Variants in MEF2C observed in about 807,000 individuals in gnomAD.
MEF2C encodes myocyte enhancer factor 2C.
Under a neutral mutation model 50.5 loss-of-function variants are expected in MEF2C, and 6 were observed. That is an observed-to-expected ratio of 0.12 (90% confidence interval 0.07 to 0.23). The LOEUF is 0.23. MEF2C is among the 10% of genes least tolerant of loss of function. The probability of loss-of-function intolerance (pLI) is 1.00; values close to 1 mark genes in which losing one functional copy is unlikely to be tolerated. For missense variants in MEF2C, 276 were observed against 605.0 expected (o/e 0.46, Z 5.70); for synonymous variants, 183 against 228.0 (o/e 0.80, Z 1.78).
chr5:88,730,361 G>C, intron 7 of MEF2C, 127 bp from the exon 8 acceptor site: 2 of 989,580 alleles, frequency 2.0e-6, no homozygotes, highest in South Asian at 2.8e-5. Flanking sequence ...TTAAAACCCA[G>C]ACTCCAAAGA....
intron 1 of MEF2C, among the ~76,000 whole-genome samples, chr5:88,836,580 C>A (rs1815174806): frequency 6.6e-6 from 1 of 152,122 alleles, no homozygotes; most frequent in Admixed American, 6.5e-5. Context: ...ATGTTTCCTC[C>A]ATACAATCCA....
At chr5:88,868,546 AC>A (rs1299146948) in intron 1 of MEF2C, among the ~76,000 whole-genome samples, 1 of 151,976 alleles carries the variant, frequency 6.6e-6, no homozygotes, top group Non-Finnish European at 1.5e-5. Context: ...TCCGTGTGAC[AC>A]CCCCCACCCA....
chr5:88,852,914 C>CA lies in MEF2C; in HGVS notation c.-142-28985dup, dbSNP rs1424404996. ...TGGGGGACAGGGCAAGACTCTGTCT[C>CA]AAAAAAAAAAAAAAAGAATGTAGTT... On this transcript the variant is annotated intron_variant, in intron 1 of 10. Coordinates refer to ENST00000504921, the MANE Select transcript of MEF2C (RefSeq NM_002397.5). Among the ~76,000 whole-genome samples, 1,085 of 118,538 alleles carry CA rather than the reference C, an allele frequency of 9.2e-3. 10 individuals carry two copies. Among genetic ancestry groups the CA allele is most frequent in the African/African-American group, 0.024 (749 of 31,412 alleles). 77.8% of individuals were successfully genotyped at this position (118,538 alleles called of 152,430 possible). A position where few individuals can be genotyped will look rare whatever the true frequency, so the allele number is the denominator to read the frequency against.
chr5:88,723,719 C>G (rs919070365), intron 10 of MEF2C, among the ~76,000 whole-genome samples: 1 of 152,210 alleles, frequency 6.6e-6, no homozygotes, highest in Admixed American at 6.5e-5. Flanking sequence ...CTCCCTGATG[C>G]GTGCGGTTCT....
At chr5:88,746,439 C>T (rs991085295) in intron 6 of MEF2C, 1 of 692,006 alleles carries the variant, frequency 1.4e-6, no homozygotes, top group Non-Finnish European at 1.7e-6. Flanking sequence ...CCCTCCCTCT[C>T]ACTTTTTTTT....
intron 1 of MEF2C, among the ~76,000 whole-genome samples, chr5:88,853,067 G>T (rs1342232611): frequency 6.6e-6 from 1 of 152,070 alleles, no homozygotes. Flanking sequence ...CTGTAAAACT[G>T]AAAAAAATTA....
intron 1 of MEF2C, among the ~76,000 whole-genome samples, chr5:88,868,307 CAA>C (rs749572312): frequency 2.0e-5 from 3 of 152,052 alleles, no homozygotes; most frequent in Non-Finnish European, 2.9e-5. Context: ...AAGCATTTCA[CAA>C]GGCAAAACAC....
intron 1 of MEF2C, among the ~76,000 whole-genome samples, chr5:88,861,278 T>C (rs1367725187): frequency 1.3e-5 from 2 of 152,244 alleles, no homozygotes; most frequent in Non-Finnish European, 2.9e-5. Flanking sequence ...AAAACACTGA[T>C]ACCCAGACCC....
chr5:88,785,460 TAAGA>T (rs1790418898), intron 3 of MEF2C: 1 of 152,138 alleles, frequency 6.6e-6, no homozygotes, highest in Non-Finnish European at 1.5e-5. Flanking sequence ...ATAATAATTT[TAAGA>T]AAGAGACTAA....
chr5:88,839,596 T>A (rs1816577210), intron 1 of MEF2C: 1 of 152,104 alleles, frequency 6.6e-6, no homozygotes, highest in East Asian at 1.9e-4. Context: ...GTCCCTCAGG[T>A]ATGTTTGTGG....
At chr5:88,842,586 A>AATTC (rs201541572) in intron 1 of MEF2C, among the ~76,000 whole-genome samples, 10 of 117,910 alleles carry the variant, frequency 8.5e-5, no homozygotes, top group African/African-American at 3.9e-4. Flanking sequence ...ATTTCCTGAG[A>AATTC]ATTCATTCAA....
chr5:88,901,243 G>C (rs1168987206), intron 1 of MEF2C, among the ~76,000 whole-genome samples: 3 of 150,334 alleles, frequency 2.0e-5, no homozygotes, highest in Non-Finnish European at 4.4e-5. Flanking sequence ...TATCAACAGG[G>C]ATGAGTAATA....
chr5:88,889,410 G>C lies in MEF2C; in HGVS notation c.-239-1812C>G, dbSNP rs1044466333. On this transcript the variant is annotated intron_variant, in intron 1 of 11. Transcript: ENST00000340208. ...CCCTTCCCCCCCCCCTTTTCTCCCG[G>C]CCGACGGAGCTGAAGGGGCGGGGGT... 11 of 152,638 alleles carry C rather than the reference G, an allele frequency of 7.2e-5. No homozygotes were observed. The Admixed American group carries it at 7.2e-4, about 10-fold the overall frequency. The allele number at this position is 152,638 out of a possible 1,614,324, so 9.5% of individuals were successfully genotyped here. A position where few individuals can be genotyped will look rare whatever the true frequency, so the allele number is the denominator to read the frequency against.
At position 88,744,018 on chromosome 5, in the gene MEF2C, A is replaced by T. The variant is rs534548015; in HGVS notation, c.637+5052T>A. ...TCAAAGGAATTCCTAAAGGTTTTTC[A>T]TTTCTTTTTTCTCTTTTTTTGATCT... On this transcript the variant is annotated intron_variant, in intron 6 of 10. Transcript: ENST00000504921. 69 of 968,598 alleles carry T rather than the reference A, an allele frequency of 7.1e-5. No homozygotes were observed. The African/African-American group carries it at 1.2e-3, about 17-fold the overall frequency. 60.0% of individuals were successfully genotyped at this position (968,598 alleles called of 1,614,324 possible).
At chr5:88,885,372 CTCA>C (rs1439671584), upstream of MEF2C, among the ~76,000 whole-genome samples, 5 of 152,230 alleles carry the variant, frequency 3.3e-5, no homozygotes, top group Non-Finnish European at 7.3e-5. Flanking sequence ...CAAGTTCCAG[CTCA>C]TCATTGTGAC....
At chr5:88,891,571 A>G (rs1352291840) in intron 1 of MEF2C, among the ~76,000 whole-genome samples, 2 of 150,950 alleles carry the variant, frequency 1.3e-5, no homozygotes, top group African/African-American at 4.9e-5. Context: ...CCCAGCTAAT[A>G]TTTTCTTTTT....
At chr5:88,743,518 T>C in intron 6 of MEF2C, 1 of 983,080 alleles carries the variant, frequency 1.0e-6, no homozygotes, top group Non-Finnish European at 1.2e-6. Context: ...TCTTTTTCAA[T>C]GCTAGATGAA....
At chr5:88,892,482 A>T (rs1017501580) in intron 1 of MEF2C, among the ~76,000 whole-genome samples, 1 of 152,200 alleles carries the variant, frequency 6.6e-6, no homozygotes, top group Non-Finnish European at 1.5e-5. Context: ...CCACTTCTAT[A>T]CCATTAAGTT....
At chr5:88,735,656 A>G (rs1581471848) in intron 6 of MEF2C, 2 of 985,200 alleles carry the variant, frequency 2.0e-6, no homozygotes, top group South Asian at 9.4e-5. Context: ...ATATACTCAT[A>G]TTAGTGTCAA....
Sources: allele counts gnomAD v4.1 joint callset (sites outside exome capture counted in the v4.1 genomes callset), GRCh38; gene constraint gnomAD v4.1.1; transcripts MANE v1.5; gene names NCBI Gene and HGNC (gene_info 2026-07-23, HGNC 2026-07-21).